Variants in COLQ observed in about 807,000 individuals in gnomAD.
COLQ encodes collagen like tail subunit of asymmetric acetylcholinesterase.
A neutral mutation model predicts 69.0 loss-of-function variants in COLQ; 48 were observed. That is an observed-to-expected ratio of 0.70 (90% CI 0.55 to 0.88). The LOEUF (loss-of-function observed/expected upper bound fraction) is 0.88, where lower values mean the gene tolerates loss of function less well. Among genes scored for constraint, COLQ ranks in the 40% least tolerant of loss-of-function variants. The pLI is 0.00. For missense variants in COLQ, 618 were observed against 594.6 expected (o/e 1.04, Z -0.41); for synonymous variants, 217 against 211.2 (o/e 1.03, Z -0.24).
At chr3:15,462,953 G>A (rs561650864) in intron 12 of COLQ, among the ~76,000 whole-genome samples, 91 of 152,322 alleles carry the variant, frequency 6.0e-4, no homozygotes, top group African/African-American at 1.9e-3. Context: ...ATTGGGCAGA[G>A]GCTGGGGTAG....
rs79901753 is a variant in COLQ, at chr3:15,471,655, G to A, written c.637-1039C>T. The stretch of plus-strand genomic sequence containing the variant: ...ACTTTTTCACATGGCAGTCAGAGGA[G>A]GTATAACACAATGGAAAATTCCAGG... On this transcript the variant is annotated intron_variant, in intron 10 of 16. Transcript: ENST00000383788. 3.5e-3 allele frequency among the ~76,000 whole-genome samples: 531 copies of A among 152,252 alleles called. 7 individuals are homozygous for A. Among genetic ancestry groups the A allele is most frequent in the South Asian group, 0.013 (62 of 4,830 alleles).
chr3:15,499,984 T>A (rs2062809733), intron 1 of COLQ, among the ~76,000 whole-genome samples: 1 of 152,242 alleles, frequency 6.6e-6, no homozygotes, highest in Non-Finnish European at 1.5e-5. Context: ...TATTCTTGGA[T>A]AACTGTTGTA....
At chr3:15,478,890 A>C in intron 5 of COLQ, 87 bp downstream of exon 5, 1 of 1,524,972 alleles carries the variant, frequency 6.6e-7, no homozygotes, top group Non-Finnish European at 9.1e-7. Context: ...ACTGAAGTGC[A>C]TTGCTGTTCC....
At position 15,469,373 on chromosome 3, in the gene COLQ, T is replaced by A. The variant is rs147672723; in HGVS notation, c.717+1163A>T. On this transcript the variant is annotated intron_variant, in intron 11 of 16. Coordinates refer to ENST00000383788, the MANE Select transcript of COLQ (RefSeq NM_005677.4). ...ATGAATGGAAATCATTAGGAGGGGATAAAGTGATATAAGAAAAGATTTCTC... is the reference window on the plus strand; with the variant it reads ...ATGAATGGAAATCATTAGGAGGGGAAAAAGTGATATAAGAAAAGATTTCTC... 1.3e-3 allele frequency among the ~76,000 whole-genome samples: 198 copies of A among 152,284 alleles called. 1 individual carries two copies. The highest frequency in any genetic ancestry group is 4.6e-3 in the African/African-American group (192 of 41,558).
chr3:15,508,995 A>T (rs1448631844), intron 1 of COLQ, among the ~76,000 whole-genome samples: 1 of 151,972 alleles, frequency 6.6e-6, no homozygotes, highest in Non-Finnish European at 1.5e-5. Context: ...TACTAAAAAT[A>T]AAAAAAATTA....
At chr3:15,477,435 T>C in intron 5 of COLQ, 1 of 530,438 alleles carries the variant, frequency 1.9e-6, no homozygotes, top group Non-Finnish European at 3.4e-6. Context: ...GACTCTAAAC[T>C]TCTTGGTTTT....
intron 3 of COLQ, among the ~76,000 whole-genome samples, chr3:15,481,154 G>C (rs1012246670): frequency 1.3e-5 from 2 of 152,182 alleles, no homozygotes; most frequent in African/African-American, 4.8e-5. Flanking sequence ...TCTGTAGGTT[G>C]CCTGTTCACT....
At chr3:15,462,234 T>C (rs2062129871) in intron 12 of COLQ, among the ~76,000 whole-genome samples, 1 of 152,028 alleles carries the variant, frequency 6.6e-6, no homozygotes, top group Admixed American at 6.6e-5. Flanking sequence ...TTCACCATGT[T>C]GGCCAGGCTG....
chr3:15,489,990 G>A (rs894546988), intron 1 of COLQ, among the ~76,000 whole-genome samples: 1 of 152,224 alleles, frequency 6.6e-6, no homozygotes, highest in East Asian at 1.9e-4. Flanking sequence ...GGAGAAGAAA[G>A]TGCTTGCTAA....
At chr3:15,493,131 C>T (rs1413227509) in intron 1 of COLQ, among the ~76,000 whole-genome samples, 1 of 152,186 alleles carries the variant, frequency 6.6e-6, no homozygotes, top group Non-Finnish European at 1.5e-5. Flanking sequence ...AGAATTTAGA[C>T]AGGAAGACTT....
At chr3:15,479,746 C>A (rs572711635) in intron 3 of COLQ, among the ~76,000 whole-genome samples, 1 of 152,144 alleles carries the variant, frequency 6.6e-6, no homozygotes, top group African/African-American at 2.4e-5. Flanking sequence ...GGCTTCATCA[C>A]CTCTCATATC....
At position 15,473,417 on chromosome 3, in the gene COLQ, C is replaced by G. The variant is rs938049231; in HGVS notation, c.636+583G>C. ...AAGCCATCTGCCCACCTCGGCCTCC[C>G]AAAGTGCTGGGATTACAGGCATGAG... On this transcript the variant is annotated intron_variant, in intron 10 of 16. Coordinates refer to ENST00000383788, the MANE Select transcript of COLQ (RefSeq NM_005677.4). The surrounding 1 kb of genome is among the most constrained non-coding windows in gnomAD (Gnocchi z 4.0). Among the ~76,000 whole-genome samples, 2 of 152,182 alleles carry G rather than the reference C, an allele frequency of 1.3e-5. No individual in the cohort carries two copies. The highest frequency in any genetic ancestry group is 4.8e-5 in the African/African-American group (2 of 41,438).
chr3:15,462,532 C>A (rs899378698), intron 12 of COLQ, among the ~76,000 whole-genome samples: 29 of 152,320 alleles, frequency 1.9e-4, no homozygotes, highest in African/African-American at 6.5e-4. Context: ...CCCTGCTTGG[C>A]TCCTAAGGAG....
At chr3:15,485,622 T>C (rs1026223293) in intron 3 of COLQ, among the ~76,000 whole-genome samples, 4 of 152,130 alleles carry the variant, frequency 2.6e-5, no homozygotes, top group African/African-American at 7.2e-5. Flanking sequence ...CTGGAGATGT[T>C]TGAAAAATCC....
intron 1 of COLQ, among the ~76,000 whole-genome samples, chr3:15,511,317 C>G (rs2062981638): frequency 2.0e-5 from 3 of 152,348 alleles, no homozygotes; most frequent in African/African-American, 7.2e-5. Flanking sequence ...TCCATATGAT[C>G]TTCTACTGGA....
At chr3:15,504,229 G>T (rs1329392194) in intron 1 of COLQ, among the ~76,000 whole-genome samples, 1 of 152,226 alleles carries the variant, frequency 6.6e-6, no homozygotes, top group East Asian at 1.9e-4. Flanking sequence ...CAGAATCGCT[G>T]CGGTTCGTGT....
chr3:15,511,293 C>A (rs1254020159), intron 1 of COLQ, among the ~76,000 whole-genome samples: 21 of 152,224 alleles, frequency 1.4e-4, no homozygotes. Context: ...TGGCCAACCC[C>A]CTGCCTACAT....
At chr3:15,499,607 C>T (rs2062804094) in intron 1 of COLQ, among the ~76,000 whole-genome samples, 1 of 152,216 alleles carries the variant, frequency 6.6e-6, no homozygotes, top group South Asian at 2.1e-4. Context: ...TTTGCCAAGC[C>T]CTGCACTATA....
At position 15,451,716 on chromosome 3, in the gene COLQ, G is replaced by A. The variant is rs1212789045; in HGVS notation, c.1299-3C>T. 4 of 1,613,790 alleles carry A rather than the reference G, an allele frequency of 2.5e-6. No individual in the cohort carries two copies. The highest frequency in any genetic ancestry group is 3.4e-6 in the Non-Finnish European group (4 of 1,179,756). On this transcript the variant is annotated splice_region_variant and splice_polypyrimidine_tract_variant and intron_variant, in intron 16 of 16. Coordinates refer to ENST00000383788, the MANE Select transcript of COLQ (RefSeq NM_005677.4). ...TGCATTGCAGGTCTCCATATGACCT[G>A]AGGGAGGCAAAGACACGTTCTAAAA...
Sources: allele counts gnomAD v4.1 joint callset (sites outside exome capture counted in the v4.1 genomes callset), GRCh38; gene constraint gnomAD v4.1.1; non-coding constraint Gnocchi (gnomAD v3.1); transcripts MANE v1.5; gene names NCBI Gene and HGNC (gene_info 2026-07-23, HGNC 2026-07-21).